ATAD2: variants seen among roughly 807,000 people sequenced by gnomAD.
ATAD2 encodes ATPase family AAA domain containing 2.
ATAD2 carries 62 observed loss-of-function variants against 168.9 expected under a neutral mutation model. The ratio of observed to expected loss-of-function variants is 0.37; its 90% CI spans 0.30 to 0.45. The LOEUF (loss-of-function observed/expected upper bound fraction) is 0.45, where lower values mean the gene tolerates loss of function less well. ATAD2 is among the 20% of genes least tolerant of loss of function. ATAD2 has a pLI of 1.00. For missense variants in ATAD2, 1,419 were observed against 1,667.8 expected (o/e 0.85, Z 2.60); for synonymous variants, 613 against 571.6 (o/e 1.07, Z -1.03).
chr8:123,336,545 C>G lies in ATAD2; in HGVS notation c.3052-13G>C, dbSNP rs1383043231. 1 of 1,483,126 alleles carries G rather than the reference C, an allele frequency of 6.7e-7. No individual in the cohort carries two copies. The highest frequency in any genetic ancestry group is 8.9e-7 in the Non-Finnish European group (1 of 1,121,330). The allele number at this position is 1,483,126 out of a possible 1,614,324, so 91.9% of individuals were successfully genotyped here. On this transcript the variant is annotated splice_polypyrimidine_tract_variant and intron_variant, in intron 21 of 27. Transcript: ENST00000287394. ...CATAATCAGGAACCTAAAATTCAAGCAAATGATCAAATCACAAAATTAACT... is the reference window on the plus strand; with the variant it reads ...CATAATCAGGAACCTAAAATTCAAGGAAATGATCAAATCACAAAATTAACT...
chr8:123,388,075 G>A (rs568582577), intron 1 of ATAD2, among the ~76,000 whole-genome samples: 8 of 152,024 alleles, frequency 5.3e-5, no homozygotes, highest in South Asian at 4.2e-4. Context: ...CCATCTACTC[G>A]GTAAACTCCA....
Position 123,320,365 on chromosome 8 carries a change from C to A in ATAD2, c.*769G>T, listed in dbSNP as rs1369957762. ...TTATAAAATTGTATATAAAAAGTAT[C>A]AATAGACTATAACCTAAACAGTTTT... On this transcript the variant is annotated 3_prime_UTR_variant, in exon 28 of 28. Coordinates refer to ENST00000287394, the MANE Select transcript of ATAD2 (RefSeq NM_014109.4). 9.2e-5 allele frequency: 14 copies of A among 151,616 alleles called. No individual in the cohort carries two copies. The allele number at this position is 151,616 out of a possible 1,614,324, so 9.4% of individuals were successfully genotyped here.
intron 24 of ATAD2, among the ~76,000 whole-genome samples, chr8:123,332,708 A>T (rs2385336): frequency 6.6e-6 from 1 of 152,062 alleles, no homozygotes; most frequent in Non-Finnish European, 1.5e-5. Context: ...TAATGGCAAA[A>T]CCACAACCAC....
upstream of ATAD2, among the ~76,000 whole-genome samples, chr8:123,397,402 T>C (rs1812906473): frequency 6.6e-6 from 1 of 152,152 alleles, no homozygotes; most frequent in South Asian, 2.1e-4. Flanking sequence ...GGCCCTAAAG[T>C]ACTATTATGA....
At chr8:123,360,937 CAA>C (rs34721440) in intron 9 of ATAD2, among the ~76,000 whole-genome samples, 52 of 104,204 alleles carry the variant, frequency 5.0e-4, no homozygotes, top group Admixed American at 7.2e-4. Context: ...TTATTATAAG[CAA>C]AAAAAAAAAA....
upstream of ATAD2, among the ~76,000 whole-genome samples, chr8:123,397,957 A>G (rs1413300786): frequency 6.6e-6 from 1 of 152,098 alleles, no homozygotes; most frequent in Admixed American, 6.6e-5. Context: ...GAACAGAGCC[A>G]CTGGGAGCAG....
At position 123,321,047 on chromosome 8, in the gene ATAD2, G is replaced by T; in HGVS notation, c.*87C>A. 2 of 1,103,454 alleles carry T rather than the reference G, an allele frequency of 1.8e-6. No homozygotes were observed. The highest frequency in any genetic ancestry group is 2.7e-6 in the Non-Finnish European group (2 of 748,700). The allele number at this position is 1,103,454 out of a possible 1,614,324, so 68.4% of individuals were successfully genotyped here. A position where few individuals can be genotyped will look rare whatever the true frequency, so the allele number is the denominator to read the frequency against. On this transcript the variant is annotated 3_prime_UTR_variant, in exon 28 of 28. Transcript: ENST00000287394. ...TTTAATCTTTTCCTTAAAGATGCAG[G>T]GTTTCATACTACATCAATTAGGCGG...
chr8:123,328,688 AT>A, intron 24 of ATAD2, 109 bp from the exon 25 acceptor site: 1 of 1,115,260 alleles, frequency 9.0e-7, no homozygotes, highest in Non-Finnish European at 1.2e-6. Flanking sequence ...AAACCACAGT[AT>A]TTTGTATGAT....
chr8:123,409,549 G>A (rs1471758333), intron 1 of ATAD2, among the ~76,000 whole-genome samples: 3 of 152,042 alleles, frequency 2.0e-5, no homozygotes, highest in Admixed American at 6.5e-5. Flanking sequence ...CTGGAGTGCC[G>A]TGGCTGAATC....
At chr8:123,414,178 C>T (rs1218042410) in intron 1 of ATAD2, among the ~76,000 whole-genome samples, 1 of 148,040 alleles carries the variant, frequency 6.8e-6, no homozygotes, top group Non-Finnish European at 1.5e-5. Flanking sequence ...ATCATAGTTG[C>T]TAACATTTAT....
At position 123,328,411 on chromosome 8, in the gene ATAD2, C is replaced by T; in HGVS notation, c.3647G>A (p.Gly1216Glu). The stretch of plus-strand genomic sequence containing the variant: ...TTCCACCGAAGACTCTCCTGTGTTT[C>T]CGGTCTCATTATGATCTACACTTGT... ...QDTSVDHNETGNTGESSVEEN... is the reference protein window; with the variant it reads ...QDTSVDHNETENTGESSVEEN... Residue 1216 changes from glycine (G) to glutamate (E), a missense_variant, in exon 25 of 28, where the codon GGA becomes GAA. Gly to Glu is a moderately conservative substitution (Grantham distance 98). This residue lies in a region of ATAD2 where 303 missense variants were observed against 304.3 expected (regional missense o/e 1.00). Transcript: ENST00000287394. 1 of 1,605,058 alleles carries T rather than the reference C, an allele frequency of 6.2e-7. No homozygotes were observed. Among genetic ancestry groups the T allele is most frequent in the Non-Finnish European group, 8.5e-7 (1 of 1,176,662 alleles).
At chr8:123,393,449 G>A (rs1347331467) in intron 1 of ATAD2, among the ~76,000 whole-genome samples, 1 of 152,018 alleles carries the variant, frequency 6.6e-6, no homozygotes, top group Non-Finnish European at 1.5e-5. Context: ...GGTTGAGGCT[G>A]CAGTGAGCCA....
At chr8:123,354,706 G>A (rs766379949) in intron 13 of ATAD2, among the ~76,000 whole-genome samples, 9 of 150,778 alleles carry the variant, frequency 6.0e-5, no homozygotes, top group Non-Finnish European at 1.3e-4. Context: ...GGCATGGTGG[G>A]GCACACCTGT....
intron 22 of ATAD2, among the ~76,000 whole-genome samples, chr8:123,334,648 G>C (rs570974065): frequency 3.3e-5 from 5 of 152,312 alleles, no homozygotes; most frequent in Admixed American, 1.3e-4. Context: ...AAGGCTATCA[G>C]TGTCATTAGT....
At position 123,355,269 on chromosome 8, in the gene ATAD2, A is replaced by G. The variant is rs183843085; in HGVS notation, c.1646+1120T>C. On this transcript the variant is annotated intron_variant, in intron 13 of 27. Coordinates refer to ENST00000287394, the MANE Select transcript of ATAD2 (RefSeq NM_014109.4). ...GCCAAAACCCACCTATCAATCACAC[A>G]CTATATCTTATTCATCTACATTATC... Among the ~76,000 whole-genome samples, 325 of 152,342 alleles carry G rather than the reference A, an allele frequency of 2.1e-3. 1 individual carries two copies. The highest frequency in any genetic ancestry group is 7.6e-3 in the African/African-American group (316 of 41,580).
chr8:123,413,306 T>G (rs1813190085), intron 1 of ATAD2, among the ~76,000 whole-genome samples: 2 of 147,854 alleles, frequency 1.4e-5, no homozygotes, highest in South Asian at 4.4e-4. Context: ...GGAATGGAGC[T>G]CAGCTCTTTC....
At chr8:123,376,493 C>CA (rs1370654641) in intron 2 of ATAD2, among the ~76,000 whole-genome samples, 2 of 151,778 alleles carry the variant, frequency 1.3e-5, no homozygotes, top group Non-Finnish European at 2.9e-5. Context: ...ACCTGGGAGG[C>CA]AGAGGTTGCA....
rs988513905 is a variant in ATAD2 at position 123,415,995 on chromosome 8, C to CT, written c.-2282+252dup. ...AAGGATACCATATGGACTCTTTAAA[C>CT]TTTTTTTTTTCAAATTTACTGTATC... is the stretch of plus-strand genomic sequence containing the variant. On this transcript the variant is annotated intron_variant, in intron 1 of 28. Transcript: ENST00000521903. 1.0e-4 allele frequency among the ~76,000 whole-genome samples: 15 copies of CT among 150,268 alleles called. 1 individual carries two copies. In the South Asian group the frequency reaches 2.1e-3, roughly 21 times the overall value.
chr8:123,383,342 A>C (rs1472770115), intron 1 of ATAD2, among the ~76,000 whole-genome samples: 1 of 152,152 alleles, frequency 6.6e-6, no homozygotes, highest in African/African-American at 2.4e-5. Context: ...CTTAAAATAT[A>C]ATTTTAAAAG....
Sources: allele counts gnomAD v4.1 joint callset (sites outside exome capture counted in the v4.1 genomes callset), GRCh38; gene constraint gnomAD v4.1.1; regional missense constraint gnomAD v4.1.1; transcripts MANE v1.5; gene names NCBI Gene and HGNC (gene_info 2026-07-23, HGNC 2026-07-21).